Variants in SCHIP1 observed in about 807,000 individuals in gnomAD.
SCHIP1 encodes schwannomin-interacting protein 1.
SCHIP1 carries 8 observed loss-of-function variants against 29.7 expected under a neutral mutation model. That is an observed-to-expected ratio of 0.27 (90% confidence interval 0.16 to 0.49). The LOEUF (loss-of-function observed/expected upper bound fraction) is 0.49, where lower values mean the gene tolerates loss of function less well. Ranked by LOEUF, SCHIP1 falls within the 20% of genes least tolerant of loss-of-function variation. SCHIP1 has a pLI of 0.99. For synonymous variants in SCHIP1, 76 were observed against 94.9 expected, an observed-to-expected ratio of 0.80 and a Z score of 1.16; for missense variants, 193 against 294.6, an observed-to-expected ratio of 0.66 and a Z score of 2.52.
the SCHIP1 span, among the ~76,000 whole-genome samples, chr3:159,758,872 C>T: frequency 8.5e-5 from 13 of 152,350 alleles, no homozygotes; most frequent in South Asian, 2.5e-3. Flanking sequence ...GATAAAGACA[C>T]CATCCCTCTG....
chr3:159,557,898 G>A, the SCHIP1 span, among the ~76,000 whole-genome samples: 2 of 152,206 alleles, frequency 1.3e-5, no homozygotes, highest in African/African-American at 4.8e-5. Context: ...TCCCATCCAG[G>A]TCTTTCGTGC....
the SCHIP1 span, among the ~76,000 whole-genome samples, chr3:159,285,081 A>G: frequency 6.6e-6 from 1 of 152,056 alleles, no homozygotes; most frequent in East Asian, 1.9e-4. Context: ...ATAATTTCTT[A>G]TTTTGTTAAA....
At chr3:159,507,294 T>C in the SCHIP1 span, among the ~76,000 whole-genome samples, 2 of 152,192 alleles carry the variant, frequency 1.3e-5, no homozygotes, top group South Asian at 4.1e-4. Context: ...ATAAGAATGC[T>C]TGTGATTTTT....
At chr3:159,669,782 C>T in the SCHIP1 span, among the ~76,000 whole-genome samples, 6 of 152,152 alleles carry the variant, frequency 3.9e-5, no homozygotes, top group African/African-American at 1.4e-4. Flanking sequence ...GTTGGTGATT[C>T]GGGATAAAGA....
At chr3:159,585,221 G>A in the SCHIP1 span, among the ~76,000 whole-genome samples, 18 of 151,876 alleles carry the variant, frequency 1.2e-4, no homozygotes, top group African/African-American at 3.9e-4. Context: ...CTCCACAAGG[G>A]CAACAATCTT....
At chr3:159,490,889 A>G in the SCHIP1 span, among the ~76,000 whole-genome samples, 1 of 152,222 alleles carries the variant, frequency 6.6e-6, no homozygotes, top group East Asian at 1.9e-4. Context: ...CTCTACACCA[A>G]GAAGTTTAGA....
the SCHIP1 span, among the ~76,000 whole-genome samples, chr3:159,348,144 T>A: frequency 6.6e-6 from 1 of 152,144 alleles, no homozygotes; most frequent in East Asian, 1.9e-4. Context: ...TCTTTAATAA[T>A]AATAAAAACT....
chr3:159,371,193 T>C, the SCHIP1 span, among the ~76,000 whole-genome samples: 1 of 152,188 alleles, frequency 6.6e-6, no homozygotes, highest in Non-Finnish European at 1.5e-5. Flanking sequence ...AATGAGTAGA[T>C]GAATTAATAT....
chr3:159,668,213 C>T, the SCHIP1 span, among the ~76,000 whole-genome samples: 2 of 151,644 alleles, frequency 1.3e-5, no homozygotes, highest in South Asian at 2.1e-4. Context: ...ACTAAAAATA[C>T]CAAAAGAAAA....
At chr3:159,714,152 A>G in the SCHIP1 span, among the ~76,000 whole-genome samples, 1 of 152,130 alleles carries the variant, frequency 6.6e-6, no homozygotes, top group Admixed American at 6.5e-5. Flanking sequence ...GGGAAGAATA[A>G]CTTGATGCCA....
the SCHIP1 span, among the ~76,000 whole-genome samples, chr3:159,492,933 G>T: frequency 5.3e-5 from 8 of 152,240 alleles, no homozygotes; most frequent in South Asian, 2.1e-4. Flanking sequence ...CAGAAGAGAT[G>T]GGGGACCAAT....
At chr3:159,390,812 C>G in the SCHIP1 span, among the ~76,000 whole-genome samples, 1 of 151,590 alleles carries the variant, frequency 6.6e-6, no homozygotes, top group Admixed American at 6.6e-5. Context: ...TGTCATGCAG[C>G]CAATTCATTC....
the SCHIP1 span, among the ~76,000 whole-genome samples, chr3:159,375,509 G>T: frequency 6.6e-6 from 1 of 152,168 alleles, no homozygotes; most frequent in African/African-American, 2.4e-5. Context: ...GGCCGAGGCA[G>T]GTGGATCACG....
At chr3:159,279,492 G>A in the SCHIP1 span, among the ~76,000 whole-genome samples, 5 of 152,120 alleles carry the variant, frequency 3.3e-5, no homozygotes, top group East Asian at 9.6e-4. Context: ...TATCCTACAG[G>A]TTACATAGAA....
the SCHIP1 span, among the ~76,000 whole-genome samples, chr3:159,668,070 G>A: frequency 6.6e-6 from 1 of 152,202 alleles, no homozygotes; most frequent in Non-Finnish European, 1.5e-5. Context: ...CTGCAAATTA[G>A]GTTAAAGAGT....
chr3:159,564,535 C>G, the SCHIP1 span, among the ~76,000 whole-genome samples: 1 of 152,240 alleles, frequency 6.6e-6, no homozygotes, highest in East Asian at 1.9e-4. Flanking sequence ...CGCCACCATG[C>G]CTGGCTAATT....
intron 2 of SCHIP1, among the ~76,000 whole-genome samples, chr3:159,882,989 C>T (rs756038361): frequency 6.6e-6 from 1 of 152,184 alleles, no homozygotes; most frequent in Non-Finnish European, 1.5e-5. Flanking sequence ...GGGCATTCTC[C>T]GTCAAGGACA....
At chr3:159,532,493 A>C in the SCHIP1 span, among the ~76,000 whole-genome samples, 1 of 152,196 alleles carries the variant, frequency 6.6e-6, no homozygotes, top group South Asian at 2.1e-4. Flanking sequence ...TCTATGCTAT[A>C]AGCATATTTA....
chr3:159,766,169 T>G, the SCHIP1 span, among the ~76,000 whole-genome samples: 1 of 152,318 alleles, frequency 6.6e-6, no homozygotes, highest in African/African-American at 2.4e-5. Flanking sequence ...TTTCTGTGTG[T>G]GGCAGCTGTG....
Sources: allele counts gnomAD v4.1 joint callset (sites outside exome capture counted in the v4.1 genomes callset), GRCh38; gene constraint gnomAD v4.1.1; transcripts MANE v1.5; gene names NCBI Gene and HGNC (gene_info 2026-07-23, HGNC 2026-07-21).